The following MGAT4A variants were observed in gnomAD, a reference collection of about 807,000 sequenced individuals.
The protein encoded by MGAT4A is alpha-1,3-mannosyl-glycoprotein 4-beta-N-acetylglucosaminyltransferase A, also known as N-acetylglucosaminyltransferase IVa.
MGAT4A carries 33 observed loss-of-function variants against 74.1 expected under a neutral mutation model. The ratio of observed to expected loss-of-function variants is 0.45; its 90% CI spans 0.34 to 0.60. The LOEUF (loss-of-function observed/expected upper bound fraction) is 0.60, where lower values mean the gene tolerates loss of function less well. Ranked by LOEUF, MGAT4A falls within the 20% of genes least tolerant of loss-of-function variation. MGAT4A has a pLI of 0.02. For synonymous variants in MGAT4A, 198 were observed against 210.4 expected, an observed-to-expected ratio of 0.94 and a Z score of 0.51; for missense variants, 479 against 628.3, an observed-to-expected ratio of 0.76 and a Z score of 2.54.
intron 6 of MGAT4A, among the ~76,000 whole-genome samples, chr2:98,657,235 T>C (rs1015190496): frequency 2.6e-5 from 4 of 152,244 alleles, no homozygotes; most frequent in Non-Finnish European, 5.9e-5. Context: ...CTCCACAAAA[T>C]GCTAGTGCAA....
chr2:98,730,144 CCAACAGCAAAAGCA>C (rs1232233714), intron 1 of MGAT4A: 1 of 152,230 alleles, frequency 6.6e-6, no homozygotes, highest in Non-Finnish European at 1.5e-5. Context: ...AATAATCTGT[CCAACAGCAAAAGCA>C]CAACAGCAAA....
intron 2 of MGAT4A, among the ~76,000 whole-genome samples, chr2:98,706,496 A>G (rs1702434775): frequency 6.6e-6 from 1 of 151,956 alleles, no homozygotes; most frequent in Admixed American, 6.6e-5. Context: ...TGCCCAGCTA[A>G]TTTTTGTATT....
At chr2:98,693,546 CAAATT>C (rs1702220930) in intron 2 of MGAT4A, among the ~76,000 whole-genome samples, 1 of 152,134 alleles carries the variant, frequency 6.6e-6, no homozygotes, top group Admixed American at 6.5e-5. Flanking sequence ...TTTCTATAGA[CAAATT>C]AAAGAATTAG....
At chr2:98,678,521 CAA>C (rs1559166944) in intron 2 of MGAT4A, 50 bp from the exon 3 acceptor site, 2 of 1,223,352 alleles carry the variant, frequency 1.6e-6, no homozygotes, top group East Asian at 5.4e-5. Context: ...AACAAATAAA[CAA>C]TATAATCTCA....
intron 6 of MGAT4A, 70 bp from the exon 7 acceptor site, chr2:98,656,535 T>C: frequency 1.9e-6 from 2 of 1,032,966 alleles, no homozygotes; most frequent in Non-Finnish European, 2.9e-6. Context: ...CTCAATACAC[T>C]GTGTTTAACA....
intron 2 of MGAT4A, among the ~76,000 whole-genome samples, chr2:98,690,183 C>A (rs1312929045): frequency 6.6e-6 from 1 of 152,182 alleles, no homozygotes; most frequent in Non-Finnish European, 1.5e-5. Flanking sequence ...GCCTAGACTT[C>A]CACCCTTGCC....
intron 4 of MGAT4A, among the ~76,000 whole-genome samples, chr2:98,663,958 A>G (rs144289945): frequency 1.8e-4 from 27 of 152,324 alleles, no homozygotes; most frequent in African/African-American, 5.5e-4. Flanking sequence ...CTGTAATCCC[A>G]GCACTTTGGG....
chr2:98,644,016 T>C lies in MGAT4A; in HGVS notation c.927A>G (p.Val309=), dbSNP rs370899547. 1 of 1,604,854 alleles carries C rather than the reference T, an allele frequency of 6.2e-7. No individual in the cohort carries two copies. The highest frequency in any genetic ancestry group is 1.3e-5 in the African/African-American group (1 of 74,746). ...CCTTGTAAAACATGAATATGAATTC[T>C]ACAATCAGAGTAAGATCCGGCGCTT... ...MFQAPDLTLI[V]EFIFMFYKEK... The change falls in exon 10 of 16, where the codon GTA becomes GTG. Residue 309 remains valine (V), a synonymous_variant. Transcript: ENST00000393487.
intron 3 of MGAT4A, among the ~76,000 whole-genome samples, chr2:98,675,903 A>T (rs1701971900): frequency 1.3e-5 from 2 of 151,974 alleles, no homozygotes; most frequent in African/African-American, 2.4e-5. Context: ...CATGGAAGGA[A>T]TTTTTTTTCT....
intron 2 of MGAT4A, among the ~76,000 whole-genome samples, chr2:98,704,040 C>G (rs1032499738): frequency 1.3e-5 from 2 of 152,166 alleles, no homozygotes; most frequent in Non-Finnish European, 2.9e-5. Flanking sequence ...TGTGTAACAT[C>G]CTCCAACTTA....
chr2:98,625,853 A>G lies in MGAT4A; in HGVS notation c.1469-18T>C, dbSNP rs759687608. 15 of 1,564,950 alleles carry G rather than the reference A, an allele frequency of 9.6e-6. No homozygotes were observed. Among genetic ancestry groups the G allele is most frequent in the African/African-American group, 2.7e-5 (2 of 73,940 alleles). On this transcript the variant is annotated intron_variant, in intron 14 of 15. Coordinates refer to ENST00000393487, the MANE Select transcript of MGAT4A (RefSeq NM_012214.3). ...AAATTTTCCTTCAAAATAAAAATCA[A>G]TACTTGTTGGATACACCGAGATAAG...
intron 4 of MGAT4A, among the ~76,000 whole-genome samples, chr2:98,668,554 C>A (rs540600209): frequency 1.3e-5 from 2 of 152,206 alleles, no homozygotes. Flanking sequence ...TAGCGCAGTG[C>A]GGAAGGGACA....
At chr2:98,717,447 G>A (rs1355565861) in intron 2 of MGAT4A, among the ~76,000 whole-genome samples, 1 of 151,878 alleles carries the variant, frequency 6.6e-6, no homozygotes, top group South Asian at 2.1e-4. Context: ...ACAACTAAAC[G>A]CACCATGGGA....
At chr2:98,640,329 G>A in intron 10 of MGAT4A, 101 bp from the exon 11 acceptor site, 1 of 982,914 alleles carries the variant, frequency 1.0e-6, no homozygotes, top group Non-Finnish European at 1.5e-6. Context: ...GAAAAGAAGG[G>A]CTGGGCGCGG....
intron 2 of MGAT4A, among the ~76,000 whole-genome samples, chr2:98,684,646 A>C (rs911932900): frequency 1.3e-5 from 2 of 152,214 alleles, no homozygotes; most frequent in African/African-American, 4.8e-5. Context: ...AAAAATGGTA[A>C]TTTCATATGA....
intron 8 of MGAT4A, among the ~76,000 whole-genome samples, chr2:98,647,458 G>C (rs1451095782): frequency 6.6e-6 from 1 of 152,084 alleles, no homozygotes; most frequent in Non-Finnish European, 1.5e-5. Flanking sequence ...TGAGACTACA[G>C]GCACACGCCA....
At chr2:98,643,076 T>C (rs1415228828) in intron 10 of MGAT4A, among the ~76,000 whole-genome samples, 1 of 152,240 alleles carries the variant, frequency 6.6e-6, no homozygotes, top group Non-Finnish European at 1.5e-5. Flanking sequence ...AAAGAATTTG[T>C]ACTTTTACAT....
chr2:98,656,004 C>T (rs1011860977), intron 7 of MGAT4A: 7 of 225,404 alleles, frequency 3.1e-5, no homozygotes, highest in African/African-American at 7.0e-5. Flanking sequence ...ACTGTTTGCA[C>T]GCAGATCAAA....
chr2:98,644,205 TAAAC>T (rs1386115469), intron 9 of MGAT4A, 152 bp from the exon 10 acceptor site: 18 of 811,196 alleles, frequency 2.2e-5, no homozygotes, highest in South Asian at 8.9e-5. Context: ...TTATCAAAAT[TAAAC>T]AAAGTTGCTT....
Sources: allele counts gnomAD v4.1 joint callset (sites outside exome capture counted in the v4.1 genomes callset), GRCh38; gene constraint gnomAD v4.1.1; transcripts MANE v1.5; gene names NCBI Gene and HGNC (gene_info 2026-07-23, HGNC 2026-07-21).